Variants in ANKS1B observed in about 807,000 individuals in gnomAD.
ANKS1B encodes ankyrin repeat and sterile alpha motif domain-containing protein 1B.
A neutral mutation model predicts 148.3 loss-of-function variants in ANKS1B; 36 were observed. The ratio of observed to expected loss-of-function variants is 0.24; its 90% confidence interval spans 0.19 to 0.32. The LOEUF (loss-of-function observed/expected upper bound fraction) is 0.32, where lower values mean the gene tolerates loss of function less well. ANKS1B is among the 10% of genes least tolerant of loss of function. The probability of loss-of-function intolerance (pLI) is 1.00; values close to 1 mark genes in which losing one functional copy is unlikely to be tolerated. For synonymous variants in ANKS1B, 542 were observed against 560.8 expected (o/e 0.97, Z 0.47); for missense variants, 1,157 against 1,542.6 (o/e 0.75, Z 4.19).
intron 10 of ANKS1B, among the ~76,000 whole-genome samples, chr12:99,444,603 A>C (rs2095606134): frequency 6.6e-6 from 1 of 152,018 alleles, no homozygotes. Flanking sequence ...GAAAGGATGA[A>C]AATTATTCTA....
chr12:99,499,071 AAC>A (rs2096631143), intron 10 of ANKS1B, among the ~76,000 whole-genome samples: 1 of 152,220 alleles, frequency 6.6e-6, no homozygotes, highest in African/African-American at 2.4e-5. Flanking sequence ...GAAAAGAAGT[AAC>A]AGTTATGTTG....
At chr12:99,718,589 T>C (rs1020855223) in intron 8 of ANKS1B, among the ~76,000 whole-genome samples, 4 of 152,208 alleles carry the variant, frequency 2.6e-5, no homozygotes, top group Non-Finnish European at 5.9e-5. Flanking sequence ...AATTCCCCTA[T>C]TTTACCTGTC....
chr12:98,780,443 TTTC>T (rs2098723274), intron 24 of ANKS1B, among the ~76,000 whole-genome samples: 1 of 152,170 alleles, frequency 6.6e-6, no homozygotes, highest in Non-Finnish European at 1.5e-5. Context: ...AGGAATGCTT[TTTC>T]AGTAAAATGC....
chr12:99,469,944 C>T (rs1403511744), intron 10 of ANKS1B, among the ~76,000 whole-genome samples: 2 of 151,670 alleles, frequency 1.3e-5, no homozygotes, highest in African/African-American at 4.8e-5. Context: ...ACATAGGAGA[C>T]CCCCGTATCT....
At chr12:99,081,077 A>G (rs567622167) in intron 16 of ANKS1B, among the ~76,000 whole-genome samples, 2 of 152,342 alleles carry the variant, frequency 1.3e-5, no homozygotes, top group African/African-American at 4.8e-5. Flanking sequence ...AATGTATCAA[A>G]TGTAGTTGAG....
intron 12 of ANKS1B, among the ~76,000 whole-genome samples, chr12:99,278,071 A>G (rs1265771466): frequency 2.0e-5 from 3 of 152,234 alleles, no homozygotes; most frequent in South Asian, 2.1e-4. Flanking sequence ...CTGTCTGCCA[A>G]AGATTAATAT....
chr12:99,596,938 A>G (rs996772210), intron 9 of ANKS1B, among the ~76,000 whole-genome samples: 1 of 151,954 alleles, frequency 6.6e-6, no homozygotes, highest in East Asian at 1.9e-4. Context: ...ATTCCTTTTG[A>G]GTAGATTCCT....
chr12:98,901,590 C>T (rs201411), intron 17 of ANKS1B, among the ~76,000 whole-genome samples: 131,514 of 152,214 alleles, frequency 0.86, 57,295 homozygotes, highest in East Asian at 0.94. Flanking sequence ...AACTTTACCT[C>T]CCAATATGTA....
chr12:99,132,213 G>T (rs1239255749), intron 15 of ANKS1B, among the ~76,000 whole-genome samples: 1 of 152,352 alleles, frequency 6.6e-6, no homozygotes, highest in East Asian at 1.9e-4. Context: ...AAGGTGGGGA[G>T]AAAGAAGCCA....
At chr12:99,567,891 A>G (rs1181081309) in intron 9 of ANKS1B, among the ~76,000 whole-genome samples, 1 of 152,204 alleles carries the variant, frequency 6.6e-6, no homozygotes, top group Admixed American at 6.5e-5. Flanking sequence ...CTACATTTAT[A>G]TGGAGAGGGA....
intron 8 of ANKS1B, among the ~76,000 whole-genome samples, chr12:99,745,868 ATAT>A (rs2060546516): frequency 6.6e-6 from 1 of 152,066 alleles, no homozygotes; most frequent in Non-Finnish European, 1.5e-5. Context: ...TCTAAAATAT[ATAT>A]TTTCTTATTT....
At chr12:99,707,097 T>C (rs2055918556) in intron 8 of ANKS1B, among the ~76,000 whole-genome samples, 1 of 152,040 alleles carries the variant, frequency 6.6e-6, no homozygotes, top group Non-Finnish European at 1.5e-5. Flanking sequence ...CACACAGCAA[T>C]AGATGAATAA....
At chr12:98,892,914 C>T (rs1296428093) in intron 17 of ANKS1B, among the ~76,000 whole-genome samples, 1 of 152,176 alleles carries the variant, frequency 6.6e-6, no homozygotes, top group East Asian at 1.9e-4. Flanking sequence ...ATTGCTTCTA[C>T]TCAAGGTGCC....
chr12:99,079,640 A>G (rs1294811278), intron 16 of ANKS1B: 1 of 152,260 alleles, frequency 6.6e-6, no homozygotes, highest in Admixed American at 6.5e-5. Flanking sequence ...GCAGAGAGAC[A>G]ACAGCAGAGA....
chr12:99,176,972 C>T (rs191706106), intron 14 of ANKS1B, among the ~76,000 whole-genome samples: 55 of 152,288 alleles, frequency 3.6e-4, no homozygotes, highest in African/African-American at 1.3e-3. Context: ...GCCTAATATA[C>T]TGATAGACTC....
intron 14 of ANKS1B, among the ~76,000 whole-genome samples, chr12:99,170,535 G>C (rs932097830): frequency 6.6e-6 from 1 of 152,168 alleles, no homozygotes; most frequent in Non-Finnish European, 1.5e-5. Flanking sequence ...CTCAATCGTA[G>C]GGATATATTG....
chr12:99,629,523 A>T (rs1036136430), intron 9 of ANKS1B, among the ~76,000 whole-genome samples: 1 of 152,150 alleles, frequency 6.6e-6, no homozygotes, highest in Admixed American at 6.5e-5. Context: ...TAATATAAAT[A>T]GTATATGTCA....
At chr12:99,363,448 G>C (rs10128988) in intron 12 of ANKS1B, among the ~76,000 whole-genome samples, 68,640 of 151,888 alleles carry the variant, frequency 0.45, 17,791 homozygotes, top group African/African-American at 0.72. Context: ...CAGCGTATAA[G>C]TGATACAGGC....
chr12:99,591,009 T>C (rs1031065391), intron 9 of ANKS1B, among the ~76,000 whole-genome samples: 1 of 151,186 alleles, frequency 6.6e-6, no homozygotes, highest in African/African-American at 2.4e-5. Context: ...TCCTCCTATA[T>C]TTTAAGTTCT....
Sources: gnomAD v4.1 joint callset for allele counts (sites outside exome capture counted in the v4.1 genomes callset) on GRCh38, gnomAD v4.1.1 for gene constraint, MANE v1.5 for transcripts, NCBI Gene and HGNC (gene_info 2026-07-23, HGNC 2026-07-21) for gene names.